Variants in CCDC150 observed in about 807,000 individuals in gnomAD.
The protein encoded by CCDC150 is coiled-coil domain containing 150, also known as coiled-coil domain-containing protein 150.
In CCDC150, 151 loss-of-function variants were observed where a neutral mutation model predicts 156.5. The ratio of observed to expected loss-of-function variants is 0.97; its 90% confidence interval spans 0.85 to 1.10. The LOEUF (loss-of-function observed/expected upper bound fraction) is 1.10, where lower values mean the gene tolerates loss of function less well. Among genes scored for constraint, CCDC150 ranks in the 50% least tolerant of loss-of-function variants. The probability of loss-of-function intolerance (pLI) is 0.00; values close to 1 mark genes in which losing one functional copy is unlikely to be tolerated. For missense variants in CCDC150, 1,312 were observed against 1,268.1 expected (o/e 1.03, Z -0.53); for synonymous variants, 452 against 429.4 (o/e 1.05, Z -0.65).
intron 2 of CCDC150, among the ~76,000 whole-genome samples, chr2:196,653,126 C>T (rs557514140): frequency 2.0e-5 from 3 of 152,220 alleles, no homozygotes; most frequent in South Asian, 2.1e-4. Context: ...TTTCCCATTG[C>T]GTTGGCTATT....
At chr2:196,650,685 C>A (rs1692825927) in intron 2 of CCDC150, among the ~76,000 whole-genome samples, 1 of 152,216 alleles carries the variant, frequency 6.6e-6, no homozygotes, top group Non-Finnish European at 1.5e-5. Context: ...AGCCACCATA[C>A]CAGCTGCTAG....
intron 15 of CCDC150, 118 bp downstream of exon 15, chr2:196,701,298 T>C (rs1175846859): frequency 1.4e-6 from 1 of 716,774 alleles, no homozygotes; most frequent in East Asian, 2.8e-5. Flanking sequence ...CTATAGTCTC[T>C]GAACATCCTT....
At chr2:196,724,366 T>C (rs1287332244) in intron 21 of CCDC150, among the ~76,000 whole-genome samples, 1 of 151,978 alleles carries the variant, frequency 6.6e-6, no homozygotes, top group Non-Finnish European at 1.5e-5. Context: ...AATTTTAAAA[T>C]TAAAAATTAA....
chr2:196,731,064 G>A (rs1161358786), intron 26 of CCDC150, 119 bp downstream of exon 26: 2 of 656,272 alleles, frequency 3.0e-6, no homozygotes, highest in African/African-American at 1.8e-5. Flanking sequence ...CAACAGGGAA[G>A]AACGAGTAAC....
intron 2 of CCDC150, among the ~76,000 whole-genome samples, chr2:196,652,448 A>G (rs555475313): frequency 2.6e-5 from 4 of 152,374 alleles, no homozygotes; most frequent in South Asian, 4.1e-4. Context: ...TAAAGCTCCA[A>G]AACAATCTTT....
In CCDC150 at chr2:196,666,704, C is replaced by A. The variant is rs1347920330; in HGVS notation, c.763-15C>A. 1.9e-6 allele frequency: 3 copies of A among 1,576,800 alleles called. No homozygotes were observed. Among genetic ancestry groups the A allele is most frequent in the East Asian group, 4.5e-5 (2 of 44,264 alleles). ...TTTATCTCACAGAAAAAGAGTTTTTCTTATACAATTTCAGGTGCACATTTT... is the reference window on the plus strand; with the variant it reads ...TTTATCTCACAGAAAAAGAGTTTTTATTATACAATTTCAGGTGCACATTTT... On this transcript the variant is annotated splice_polypyrimidine_tract_variant and intron_variant, in intron 6 of 27. Transcript: ENST00000389175.
intron 2 of CCDC150, among the ~76,000 whole-genome samples, chr2:196,652,486 C>G (rs897723588): frequency 6.6e-6 from 1 of 152,268 alleles, no homozygotes; most frequent in African/African-American, 2.4e-5. Context: ...CCTGGGCACA[C>G]TGGTATGCCA....
intron 13 of CCDC150, among the ~76,000 whole-genome samples, chr2:196,688,615 T>G (rs1261599938): frequency 4.6e-5 from 7 of 152,188 alleles, no homozygotes; most frequent in Non-Finnish European, 1.0e-4. Flanking sequence ...TGTAAATTTG[T>G]TTGAGTTCAC....
chr2:196,704,821 A>G (rs1356104291), intron 15 of CCDC150, among the ~76,000 whole-genome samples: 1 of 152,008 alleles, frequency 6.6e-6, no homozygotes, highest in Non-Finnish European at 1.5e-5. Context: ...TGTCCTTGAG[A>G]TAGTTTGCTG....
At position 196,719,681 on chromosome 2, in the gene CCDC150, T is replaced by G. The variant is rs753582548; in HGVS notation, c.2165+15T>G. On this transcript the variant is annotated intron_variant, in intron 19 of 27. Coordinates refer to ENST00000389175, the MANE Select transcript of CCDC150 (RefSeq NM_001080539.2). Reference sequence around the variant, plus strand: ...AAGAAAGAAAGGTACCTGTGGTTTTTTTTCCCTGTCATTGGTATTGCTGGA... The same window carrying G: ...AAGAAAGAAAGGTACCTGTGGTTTTGTTTCCCTGTCATTGGTATTGCTGGA... 5 of 1,591,680 alleles carry G rather than the reference T, an allele frequency of 3.1e-6. No individual in the cohort carries two copies. In the African/African-American group the frequency reaches 5.4e-5, roughly 17 times the overall value.
At position 196,658,868 on chromosome 2, in the gene CCDC150, A is replaced by C. The variant is rs2125587344; in HGVS notation, c.645+8A>C. 1 of 1,586,316 alleles carries C rather than the reference A, an allele frequency of 6.3e-7. No individual in the cohort carries two copies. The highest frequency in any genetic ancestry group is 8.6e-7 in the Non-Finnish European group (1 of 1,161,696). ...AACCTTAAAATTCAAGAGGTAAGAC[A>C]AAAAGATGGAGGGTGGAGGAGGTGT... On this transcript the variant is annotated splice_region_variant and intron_variant, in intron 5 of 27. Transcript: ENST00000389175.
At position 196,677,491 on chromosome 2, in the gene CCDC150, G is replaced by A. The variant is rs554290844; in HGVS notation, c.1509+130G>A. On this transcript the variant is annotated intron_variant, in intron 13 of 27. Transcript: ENST00000389175. ...GCAGGGAAAGGAGAGCTATGAAGCT[G>A]GATGCCACTCAGAGCACACCAGTCA... The A allele has an allele frequency of 4.5e-6, 3 of 667,056 alleles. 1 individual carries two copies. Among genetic ancestry groups the A allele is most frequent in the Non-Finnish European group, 8.0e-6 (3 of 374,586 alleles). The allele number at this position is 667,056 out of a possible 1,614,324, so 41.3% of individuals were successfully genotyped here.
rs1485557024 is a variant in CCDC150, at chr2:196,666,866, A to G, written c.892+18A>G. ...TGATCTAAGTATGAAAATAGATGCT[A>G]GAAATCACCCTCTTGTTAGTTTTTG... On this transcript the variant is annotated intron_variant, in intron 7 of 27. Transcript: ENST00000389175. 1.9e-6 allele frequency: 3 copies of G among 1,613,132 alleles called. No homozygotes were observed. Among genetic ancestry groups the G allele is most frequent in the African/African-American group, 1.3e-5 (1 of 74,896 alleles).
chr2:196,721,140 A>G (rs746259135), intron 20 of CCDC150, among the ~76,000 whole-genome samples: 14 of 151,626 alleles, frequency 9.2e-5, no homozygotes, highest in African/African-American at 3.4e-4. Context: ...TCTATAAGAA[A>G]CAGTGGACAG....
intron 22 of CCDC150, among the ~76,000 whole-genome samples, chr2:196,728,288 G>A (rs1698328475): frequency 6.6e-6 from 1 of 152,216 alleles, no homozygotes; most frequent in African/African-American, 2.4e-5. Context: ...GAGGTAACTG[G>A]AATATCTAAC....
intron 17 of CCDC150, among the ~76,000 whole-genome samples, chr2:196,715,568 A>G (rs1393422557): frequency 6.6e-6 from 1 of 152,218 alleles, no homozygotes; most frequent in Non-Finnish European, 1.5e-5. Context: ...CCCATCCAAA[A>G]TAGTTTGATG....
Position 196,729,383 on chromosome 2 carries a change from T to C in CCDC150, c.2747T>C (p.Met916Thr). The change falls in exon 23 of 28, where the codon ATG (methionine) becomes ACG (threonine). Residue 916 changes from methionine to threonine, a missense_variant. Transcript: ENST00000389175. Reference protein sequence around the residue: ...KANNAQNIERMKQIEKELKQM... With the variant: ...KANNAQNIERTKQIEKELKQM... The stretch of plus-strand genomic sequence containing the variant: ...AATAATGCTCAGAATATAGAAAGGA[T>C]GAAGGTTGTATGGGAAACCTCTTCT... 4 of 1,613,678 alleles carry C rather than the reference T, an allele frequency of 2.5e-6. No individual in the cohort carries two copies. The highest frequency in any genetic ancestry group is 3.4e-6 in the Non-Finnish European group (4 of 1,179,668).
chr2:196,691,019 A>C (rs1360044037), intron 13 of CCDC150, among the ~76,000 whole-genome samples: 1 of 152,170 alleles, frequency 6.6e-6, no homozygotes, highest in African/African-American at 2.4e-5. Context: ...ATTGATTTGC[A>C]TATGTTGAAC....
At chr2:196,730,180 G>A (rs1361356276) in intron 25 of CCDC150, 62 bp downstream of exon 25, 2 of 1,456,352 alleles carry the variant, frequency 1.4e-6, no homozygotes, top group Non-Finnish European at 1.9e-6. Context: ...CCAAAGCCCA[G>A]TAGTTTTGCA....
Sources: allele counts gnomAD v4.1 joint callset (sites outside exome capture counted in the v4.1 genomes callset), GRCh38; gene constraint gnomAD v4.1.1; transcripts MANE v1.5; gene names NCBI Gene and HGNC (gene_info 2026-07-23, HGNC 2026-07-21).